RFLNA: variants seen among roughly 807,000 people sequenced by gnomAD.
RFLNA encodes refilin A.
In RFLNA, 5 loss-of-function variants were observed where a neutral mutation model predicts 7.8. That is an observed-to-expected ratio of 0.64 (90% CI 0.34 to 1.35). RFLNA has a LOEUF of 1.35. Ranked by LOEUF, RFLNA falls within the 40% of genes most tolerant of loss-of-function variation. The pLI is 0.04. For synonymous variants in RFLNA, 141 were observed against 131.3 expected, an observed-to-expected ratio of 1.07 and a Z score of -0.50; for missense variants, 278 against 305.5, an observed-to-expected ratio of 0.91 and a Z score of 0.67.
intron 2 of RFLNA, among the ~76,000 whole-genome samples, chr12:124,312,316 A>ATTTTTT (rs11453894): frequency 6.9e-6 from 1 of 144,852 alleles, no homozygotes. Flanking sequence ...CTCCTGCCAG[A>ATTTTTT]TTTTTTTTTT....
rs1009966413 is a variant in RFLNA at position 124,315,546 on chromosome 12, G to A, written c.*1021G>A. The stretch of plus-strand genomic sequence containing the variant: ...ATGACAGCACCTTACTCCTTCCTGC[G>A]GCAGGCTCACCCCTGCCTGTGGGAT... On this transcript the variant is annotated 3_prime_UTR_variant, in exon 3 of 3. Coordinates refer to ENST00000546355, the MANE Select transcript of RFLNA (RefSeq NM_001365156.1). 3.3e-5 allele frequency: 5 copies of A among 152,268 alleles called. No individual in the cohort carries two copies. The highest frequency in any genetic ancestry group is 2.1e-4 in the South Asian group (1 of 4,836). 9.4% of individuals were successfully genotyped at this position (152,268 alleles called of 1,614,324 possible).
chr12:124,300,327 C>T (rs968089379), intron 1 of RFLNA, among the ~76,000 whole-genome samples: 2 of 152,190 alleles, frequency 1.3e-5, no homozygotes, highest in Non-Finnish European at 2.9e-5. Context: ...GAGAGCTTCC[C>T]TAAGGAAGAC....
upstream of RFLNA, among the ~76,000 whole-genome samples, chr12:124,291,408 C>A (rs998988441): frequency 9.9e-5 from 15 of 152,098 alleles, no homozygotes; most frequent in Non-Finnish European, 1.6e-4. Flanking sequence ...GTGTGCACCA[C>A]CACACCTGGC....
intron 1 of RFLNA, among the ~76,000 whole-genome samples, chr12:124,297,801 G>A (rs900312424): frequency 3.3e-5 from 5 of 152,224 alleles, no homozygotes; most frequent in African/African-American, 1.2e-4. Context: ...CAGCTTTGGG[G>A]CTTGCCGCTG....
Position 124,295,527 on chromosome 12 carries a change from G to C in RFLNA, c.98G>C (p.Ser33Thr). The C allele has an allele frequency of 7.9e-7, 1 of 1,259,386 alleles. No individual in the cohort carries two copies. The allele number at this position is 1,259,386 out of a possible 1,614,324, so 78.0% of individuals were successfully genotyped here. A position where few individuals can be genotyped will look rare whatever the true frequency, so the allele number is the denominator to read the frequency against. The change falls in exon 1 of 3, where the codon AGC becomes ACC. Residue 33 changes from serine to threonine, a missense_variant. Coordinates refer to ENST00000546355, the MANE Select transcript of RFLNA (RefSeq NM_001365156.1). ...AGCCCCGACTCCGGGCTGCCCCCCA[G>C]CCCCAGCCCCAGCCCGCCCTTCTAC... ...LDSPDSGLPPSPSPSPPFYSL... is the reference protein window; with the variant it reads ...LDSPDSGLPPTPSPSPPFYSL...
At chr12:124,296,128 C>CTTTCTTTCTTTCTTT (rs1593024627) in intron 1 of RFLNA, among the ~76,000 whole-genome samples, 2 of 3,154 alleles carry the variant, frequency 6.3e-4, no homozygotes, top group Non-Finnish European at 2.1e-3. Flanking sequence ...TTCTTTCTCT[C>CTTTCTTTCTTTCTTT]TCTCTCTCTC....
intron 2 of RFLNA, among the ~76,000 whole-genome samples, chr12:124,313,401 G>A (rs1260454847): frequency 1.3e-5 from 2 of 152,218 alleles, no homozygotes; most frequent in African/African-American, 2.4e-5. Context: ...GGTTGCGGCT[G>A]GGCGTGGTGG....
At chr12:124,308,927 C>T (rs1306535580) in intron 1 of RFLNA, among the ~76,000 whole-genome samples, 1 of 152,248 alleles carries the variant, frequency 6.6e-6, no homozygotes, top group African/African-American at 2.4e-5. Context: ...TCTACCCCGG[C>T]CAGTGCGACA....
Position 124,314,870 on chromosome 12 carries a change from G to C in RFLNA, c.*345G>C. 2.2e-6 allele frequency: 1 copy of C among 447,110 alleles called. No individual in the cohort carries two copies. The highest frequency in any genetic ancestry group is 2.6e-5 in the Admixed American group (1 of 38,022). The allele number at this position is 447,110 out of a possible 1,614,324, so 27.7% of individuals were successfully genotyped here. On this transcript the variant is annotated 3_prime_UTR_variant, in exon 3 of 3. Coordinates refer to ENST00000546355, the MANE Select transcript of RFLNA (RefSeq NM_001365156.1). ...TGCCCTTGAAGCAGAGAACAGCCCCGAGCAGTGTGAGGACAGAGGCATCCC... is the reference window on the plus strand; with the variant it reads ...TGCCCTTGAAGCAGAGAACAGCCCCCAGCAGTGTGAGGACAGAGGCATCCC...
chr12:124,311,108 G>A (rs770391868), intron 1 of RFLNA, among the ~76,000 whole-genome samples: 1 of 152,164 alleles, frequency 6.6e-6, no homozygotes, highest in Non-Finnish European at 1.5e-5. Flanking sequence ...CTCACGGTGG[G>A]GGCTGTCTCC....
rs570177431 is a variant in RFLNA, at chr12:124,301,206, C to T, written c.207+5570C>T. 1.5e-3 allele frequency among the ~76,000 whole-genome samples: 222 copies of T among 152,268 alleles called. 2 individuals carry two copies. The highest frequency in any genetic ancestry group is 2.2e-3 in the Non-Finnish European group (150 of 67,990). On this transcript the variant is annotated intron_variant, in intron 1 of 2. Coordinates refer to ENST00000546355, the MANE Select transcript of RFLNA (RefSeq NM_001365156.1). The stretch of plus-strand genomic sequence containing the variant: ...GGAGGGAAAGCCAGAAGCCCTGCGC[C>T]TCCTTCCAGCCGCGTCTGCTCGATC...
chr12:124,309,698 G>A (rs2135690545), intron 1 of RFLNA, among the ~76,000 whole-genome samples: 1 of 152,308 alleles, frequency 6.6e-6, no homozygotes, highest in African/African-American at 2.4e-5. Flanking sequence ...GCCTTGCCAG[G>A]CCCCCTGCTA....
upstream of RFLNA, among the ~76,000 whole-genome samples, chr12:124,294,766 A>G (rs1197916368): frequency 6.6e-6 from 1 of 152,268 alleles, no homozygotes; most frequent in East Asian, 1.9e-4. Flanking sequence ...AAGTTTCTCA[A>G]GCTGCTTTTA....
At chr12:124,290,715 G>C (rs529305441), upstream of RFLNA, among the ~76,000 whole-genome samples, 1 of 152,326 alleles carries the variant, frequency 6.6e-6, no homozygotes, top group Non-Finnish European at 1.5e-5. The surrounding 1 kb of genome is among the most constrained non-coding windows in gnomAD (Gnocchi z 4.0). Context: ...GCCCAGCTGA[G>C]CCTGCGAAAA....
chr12:124,299,202 G>A (rs921780899), intron 1 of RFLNA, among the ~76,000 whole-genome samples: 1 of 152,254 alleles, frequency 6.6e-6, no homozygotes, highest in Non-Finnish European at 1.5e-5. Flanking sequence ...GACGCAGAAT[G>A]TGGCCATTTT....
intron 1 of RFLNA, among the ~76,000 whole-genome samples, chr12:124,302,346 G>A (rs565669555): frequency 6.6e-6 from 1 of 152,282 alleles, no homozygotes; most frequent in Non-Finnish European, 1.5e-5. Context: ...TGCGACGTTC[G>A]AGTTTGTTCA....
At chr12:124,295,977 G>A (rs2033901352) in intron 1 of RFLNA, among the ~76,000 whole-genome samples, 1 of 151,538 alleles carries the variant, frequency 6.6e-6, no homozygotes, top group South Asian at 2.1e-4. Flanking sequence ...GTGGGCTTGC[G>A]CCCAGAGGCC....
chr12:124,310,287 G>A (rs1045885623), intron 1 of RFLNA, among the ~76,000 whole-genome samples: 1 of 150,250 alleles, frequency 6.7e-6, no homozygotes, highest in Admixed American at 6.7e-5. Context: ...AAGGACCCCC[G>A]AGTACAGATG....
intron 1 of RFLNA, among the ~76,000 whole-genome samples, chr12:124,301,520 A>G (rs1297304326): frequency 1.3e-5 from 2 of 152,138 alleles, no homozygotes; most frequent in Admixed American, 6.5e-5. Context: ...GGCACGGTAC[A>G]TGGACTGTGG....
Sources: gnomAD v4.1 joint callset for allele counts (sites outside exome capture counted in the v4.1 genomes callset) on GRCh38, gnomAD v4.1.1 for gene constraint, Gnocchi (gnomAD v3.1) non-coding constraint, MANE v1.5 for transcripts, NCBI Gene and HGNC (gene_info 2026-07-23, HGNC 2026-07-21) for gene names.